The following PDE3A variants were observed in gnomAD, a reference collection of about 807,000 sequenced individuals.
PDE3A encodes cGMP-inhibited 3',5'-cyclic phosphodiesterase 3A.
PDE3A carries 43 observed loss-of-function variants against 98.3 expected under a neutral mutation model. The ratio of observed to expected loss-of-function variants is 0.44; its 90% confidence interval spans 0.34 to 0.56. The LOEUF is 0.56. Among genes scored for constraint, PDE3A ranks in the 20% least tolerant of loss-of-function variants. The pLI is 0.01. For missense variants in PDE3A, 1,427 were observed against 1,440.7 expected (o/e 0.99, Z 0.15); for synonymous variants, 663 against 567.9 (o/e 1.17, Z -2.38).
intron 1 of PDE3A, chr12:20,449,852 CCCCTTTT>C: frequency 1.7e-6 from 1 of 590,582 alleles, no homozygotes; most frequent in Non-Finnish European, 2.9e-6. Context: ...GAGAGACCTG[CCCCTTTT>C]AGTGGACATT....
At chr12:20,375,396 A>G (rs955541078) in intron 1 of PDE3A, among the ~76,000 whole-genome samples, 3 of 151,774 alleles carry the variant, frequency 2.0e-5, no homozygotes, top group African/African-American at 7.3e-5. Context: ...TTTAACTTTG[A>G]ACTGAGAATG....
intron 1 of PDE3A, among the ~76,000 whole-genome samples, chr12:20,432,771 A>T (rs1388089378): frequency 6.6e-6 from 1 of 152,166 alleles, no homozygotes; most frequent in African/African-American, 2.4e-5. Flanking sequence ...TTCAAAAGCA[A>T]TATTCAATTT....
chr12:20,405,127 A>G (rs1944209668), intron 1 of PDE3A, among the ~76,000 whole-genome samples: 1 of 152,160 alleles, frequency 6.6e-6, no homozygotes, highest in African/African-American at 2.4e-5. Context: ...AAGAGGAAGT[A>G]TGGTCCATGC....
chr12:20,486,127 T>C (rs1174658784), intron 1 of PDE3A, among the ~76,000 whole-genome samples: 1 of 152,218 alleles, frequency 6.6e-6, no homozygotes, highest in African/African-American at 2.4e-5. Context: ...GAGCATATAT[T>C]AGTCTGTTTT....
chr12:20,585,170 A>G (rs895481492), intron 2 of PDE3A, among the ~76,000 whole-genome samples: 7 of 152,196 alleles, frequency 4.6e-5, no homozygotes, highest in African/African-American at 1.7e-4. Context: ...TTGCCAAGTG[A>G]CAGGTGTTTT....
rs2120473931 is a variant in PDE3A at position 20,369,291 on chromosome 12, G to C, written c.7G>C (p.Val3Leu). The change falls in exon 1 of 16, where the codon GTG becomes CTG. Residue 3 changes from valine (V) to leucine (L), a missense_variant. Transcript: ENST00000359062. ...GAAGAGGGCACCCTATACCATGGCA[G>C]TGCCCGGCGACGCTGCACGAGTCAG... MA[V>L]PGDAARVRDK... The C allele has an allele frequency of 6.6e-7, 1 of 1,517,800 alleles. No homozygotes were observed. The highest frequency in any genetic ancestry group is 8.9e-7 in the Non-Finnish European group (1 of 1,128,340). The allele number at this position is 1,517,800 out of a possible 1,614,324, so 94.0% of individuals were successfully genotyped here.
At chr12:20,385,189 A>C (rs533006518) in intron 1 of PDE3A, among the ~76,000 whole-genome samples, 1 of 151,950 alleles carries the variant, frequency 6.6e-6, no homozygotes, top group Admixed American at 6.6e-5. Context: ...CCTCACCAGC[A>C]CCTGTTGTTT....
At chr12:20,598,749 T>G (rs183558619) in intron 2 of PDE3A, among the ~76,000 whole-genome samples, 15 of 152,332 alleles carry the variant, frequency 9.8e-5, no homozygotes, top group Admixed American at 9.8e-4. Context: ...AGAAGACTAT[T>G]ATAGGAATAA....
chr12:20,454,359 GTTACCAGCTGACGTGTTATTGTTTGTA>G (rs1175998008), intron 1 of PDE3A, among the ~76,000 whole-genome samples: 1 of 152,104 alleles, frequency 6.6e-6, no homozygotes, highest in East Asian at 1.9e-4. Context: ...TTTTTCTGCA[GTTACCAGCTGACGTGTTATTGTTTGTA>G]TTACCAGCTG....
At chr12:20,580,788 A>AC (rs1263313703) in intron 2 of PDE3A, among the ~76,000 whole-genome samples, 1 of 151,978 alleles carries the variant, frequency 6.6e-6, no homozygotes, top group African/African-American at 2.4e-5. Flanking sequence ...ATGCTCCTTT[A>AC]CCCCCTCTGC....
chr12:20,461,960 A>C (rs1945258733), intron 1 of PDE3A, among the ~76,000 whole-genome samples: 1 of 152,208 alleles, frequency 6.6e-6, no homozygotes, highest in Non-Finnish European at 1.5e-5. Context: ...TGAAGGAAGG[A>C]AAAGAGATGA....
At chr12:20,624,227 G>T (rs1279123667) in intron 5 of PDE3A, among the ~76,000 whole-genome samples, 2 of 152,012 alleles carry the variant, frequency 1.3e-5, no homozygotes, top group Non-Finnish European at 2.9e-5. Flanking sequence ...GGATATTTTG[G>T]GTTCTGTCCT....
At chr12:20,428,914 C>T (rs916390523) in intron 1 of PDE3A, among the ~76,000 whole-genome samples, 1 of 152,166 alleles carries the variant, frequency 6.6e-6, no homozygotes, top group Non-Finnish European at 1.5e-5. Context: ...CCATCAAAAA[C>T]TGTGATAGGT....
At chr12:20,565,883 A>G (rs916624175) in intron 2 of PDE3A, among the ~76,000 whole-genome samples, 1 of 151,950 alleles carries the variant, frequency 6.6e-6, no homozygotes, top group Non-Finnish European at 1.5e-5. Context: ...GGAACAAACT[A>G]AAATACTGTT....
chr12:20,589,880 A>G (rs935686609), intron 2 of PDE3A, among the ~76,000 whole-genome samples: 3 of 151,802 alleles, frequency 2.0e-5, no homozygotes, highest in African/African-American at 7.3e-5. Context: ...AAAAAAAAAA[A>G]AAAAAAAAAG....
chr12:20,433,978 T>G (rs1277210534), intron 1 of PDE3A, among the ~76,000 whole-genome samples: 1 of 152,160 alleles, frequency 6.6e-6, no homozygotes, highest in Non-Finnish European at 1.5e-5. Flanking sequence ...GATTACTTAT[T>G]TCCACTCTGA....
At chr12:20,595,074 A>G (rs116103169) in intron 2 of PDE3A, among the ~76,000 whole-genome samples, 3,319 of 152,216 alleles carry the variant, frequency 0.022, 103 homozygotes, top group African/African-American at 0.074. Context: ...AGCAATAAAG[A>G]GATGTTATTA....
intron 2 of PDE3A, among the ~76,000 whole-genome samples, chr12:20,585,284 T>C (rs956219733): frequency 6.6e-6 from 1 of 152,186 alleles, no homozygotes; most frequent in Non-Finnish European, 1.5e-5. Flanking sequence ...CCAGATGAAG[T>C]CCTGTAATTG....
chr12:20,460,826 C>T (rs1022634539), intron 1 of PDE3A, among the ~76,000 whole-genome samples: 2 of 152,134 alleles, frequency 1.3e-5, no homozygotes, highest in African/African-American at 4.8e-5. Context: ...CCCTGCTCCC[C>T]CCTTTTCATG....
Sources: gnomAD v4.1 joint callset for allele counts (sites outside exome capture counted in the v4.1 genomes callset) on GRCh38, gnomAD v4.1.1 for gene constraint, MANE v1.5 for transcripts, NCBI Gene and HGNC (gene_info 2026-07-23, HGNC 2026-07-21) for gene names.